Variants in DNAH11 observed in about 807,000 individuals in gnomAD.
DNAH11 encodes dynein axonemal heavy chain 11.
In DNAH11, 442 loss-of-function variants were observed where a neutral mutation model predicts 526.0. The ratio of observed to expected loss-of-function variants is 0.84; its 90% CI spans 0.78 to 0.91. The LOEUF (loss-of-function observed/expected upper bound fraction) is 0.91, where lower values mean the gene tolerates loss of function less well. Ranked by LOEUF, DNAH11 falls within the 40% of genes least tolerant of loss-of-function variation. DNAH11 has a pLI of 0.00. For synonymous variants in DNAH11, 2,461 were observed against 1,935.9 expected (o/e 1.27, Z -7.12); for missense variants, 6,989 against 5,448.7 (o/e 1.28, Z -8.90).
At chr7:21,666,516 T>C (rs979992915) in intron 30 of DNAH11, among the ~76,000 whole-genome samples, 15 of 152,062 alleles carry the variant, frequency 9.9e-5, no homozygotes, top group African/African-American at 3.4e-4. Context: ...AATATAAAAC[T>C]TTTCTCATTA....
At position 21,901,642 on chromosome 7, in the gene DNAH11, GATTTTA is replaced by G. The variant is rs891533035; in HGVS notation, c.*394_*399del. ...AAGCAATGCAGCCGGAAAGAACGGA[GATTTTA>G]ATTTTTAACAAACAACAAATTAAAT... On this transcript the variant is annotated 3_prime_UTR_variant, in exon 82 of 82. Coordinates refer to ENST00000409508, the MANE Select transcript of DNAH11 (RefSeq NM_001277115.2). 2.5e-5 allele frequency: 4 copies of G among 157,992 alleles called. No individual in the cohort carries two copies. The highest frequency in any genetic ancestry group is 7.2e-5 in the African/African-American group (3 of 41,472). The allele number at this position is 157,992 out of a possible 1,614,324, so 9.8% of individuals were successfully genotyped here.
Position 21,801,116 on chromosome 7 carries a change from G to A in DNAH11, c.10027-21G>A, listed in dbSNP as rs374677158. 148 of 1,590,042 alleles carry A rather than the reference G, an allele frequency of 9.3e-5. 2 individuals are homozygous for A. In the African/African-American group the frequency reaches 1.8e-3, roughly 20 times the overall value. On this transcript the variant is annotated intron_variant, in intron 61 of 81. Coordinates refer to ENST00000409508, the MANE Select transcript of DNAH11 (RefSeq NM_001277115.2). The stretch of plus-strand genomic sequence containing the variant: ...TGTTTTAACTAAAAATGACTCAAAA[G>A]TTAATTCAACTCTGATTCAGGATCT...
intron 5 of DNAH11, among the ~76,000 whole-genome samples, chr7:21,562,597 C>T (rs1460072378): frequency 2.6e-5 from 4 of 152,114 alleles, no homozygotes; most frequent in Non-Finnish European, 5.9e-5. Context: ...GTGGCTCAAA[C>T]TCATGGTCAA....
chr7:21,887,899 G>A (rs1784183785), intron 76 of DNAH11, among the ~76,000 whole-genome samples: 1 of 152,042 alleles, frequency 6.6e-6, no homozygotes, highest in East Asian at 1.9e-4. Flanking sequence ...ATTTAAACTC[G>A]TAATCAGACT....
chr7:21,646,645 T>G (rs554619399), intron 28 of DNAH11, among the ~76,000 whole-genome samples: 12 of 152,268 alleles, frequency 7.9e-5, no homozygotes, highest in African/African-American at 2.9e-4. Context: ...AGGTGCCCAG[T>G]GAGCTCCAGC....
Position 21,867,357 on chromosome 7 carries a change from T to C in DNAH11, c.11691-502T>C, listed in dbSNP as rs141358214. Reference sequence around the variant, plus strand: ...CTTTGCAGAAACCTCTGCTGAACTCTACTTTACAAGTTAATTCTGCTTAGT... The same window carrying C: ...CTTTGCAGAAACCTCTGCTGAACTCCACTTTACAAGTTAATTCTGCTTAGT... On this transcript the variant is annotated intron_variant, in intron 71 of 81. Transcript: ENST00000409508. 4.6e-5 allele frequency among the ~76,000 whole-genome samples: 7 copies of C among 152,370 alleles called. No individual in the cohort carries two copies. The East Asian group carries it at 1.3e-3, about 29-fold the overall frequency.
At chr7:21,851,887 G>C (rs977686085) in intron 66 of DNAH11, among the ~76,000 whole-genome samples, 5 of 152,104 alleles carry the variant, frequency 3.3e-5, no homozygotes, top group African/African-American at 1.2e-4. Flanking sequence ...GCAGAAACCA[G>C]AAGTTTCTGA....
rs769003282 is a variant in DNAH11 at position 21,717,846 on chromosome 7, A to T, written c.7055A>T (p.Lys2352Ile). Residue 2352 changes from lysine to isoleucine, a missense_variant, in exon 43 of 82, where the codon AAA (lysine) becomes ATA (isoleucine). Lys to Ile is a moderately radical substitution (Grantham distance 102). Transcript: ENST00000409508. ...EKANLTILFDKYVPACLDKLR... is the reference protein window; with the variant it reads ...EKANLTILFDIYVPACLDKLR... Reference sequence around the variant, plus strand: ...GCCAATTTGACTATTCTTTTTGATAAATATGTCCCTGCATGCTTGGATAAA... The same window carrying T: ...GCCAATTTGACTATTCTTTTTGATATATATGTCCCTGCATGCTTGGATAAA... 23 of 1,613,778 alleles carry T rather than the reference A, an allele frequency of 1.4e-5. No homozygotes were observed. Among genetic ancestry groups the T allele is most frequent in the East Asian group, 2.2e-5 (1 of 44,898 alleles).
intron 61 of DNAH11, among the ~76,000 whole-genome samples, chr7:21,792,431 GA>G (rs1193498211): frequency 1.3e-5 from 2 of 152,168 alleles, no homozygotes; most frequent in Non-Finnish European, 2.9e-5. Context: ...AATGAGTGTG[GA>G]AGTATTCCCT....
chr7:21,842,426 CTCAA>C, intron 65 of DNAH11, 114 bp from the exon 66 acceptor site: 1 of 800,134 alleles, frequency 1.2e-6, no homozygotes, highest in Non-Finnish European at 1.9e-6. Context: ...CTGAAAAATT[CTCAA>C]TCACCTGAGC....
At chr7:21,726,791 G>A (rs1372563726) in intron 45 of DNAH11, among the ~76,000 whole-genome samples, 12 of 132,094 alleles carry the variant, frequency 9.1e-5, no homozygotes, top group South Asian at 2.6e-4. Flanking sequence ...AACCTGGGAG[G>A]CGGAGGTCGC....
chr7:21,725,781 T>C, intron 44 of DNAH11, 30 bp from the exon 45 acceptor site: 2 of 1,583,726 alleles, frequency 1.3e-6, no homozygotes, highest in Non-Finnish European at 1.7e-6. Flanking sequence ...ACTTTGAGTC[T>C]GCAATAAGGA....
intron 35 of DNAH11, among the ~76,000 whole-genome samples, chr7:21,695,596 A>G (rs1209320786): frequency 1.3e-5 from 2 of 152,236 alleles, no homozygotes; most frequent in Non-Finnish European, 2.9e-5. Context: ...TTAACTCAAG[A>G]TGGCTTAAAG....
intron 30 of DNAH11, among the ~76,000 whole-genome samples, chr7:21,677,979 C>A (rs1277566000): frequency 6.6e-6 from 1 of 152,096 alleles, no homozygotes; most frequent in African/African-American, 2.4e-5. Flanking sequence ...AATTCCTTAT[C>A]AGATATATTG....
intron 2 of DNAH11, among the ~76,000 whole-genome samples, chr7:21,547,875 C>T (rs1038934786): frequency 6.6e-6 from 1 of 152,032 alleles, no homozygotes; most frequent in Non-Finnish European, 1.5e-5. Context: ...TTACTTTTTT[C>T]CTTATAGGAG....
At chr7:21,581,803 G>A in intron 8 of DNAH11, 102 bp from the exon 9 acceptor site, 1 of 704,862 alleles carries the variant, frequency 1.4e-6, no homozygotes. Context: ...CAGAGACAGA[G>A]AGCGAGCGAG....
At position 21,873,295 on chromosome 7, in the gene DNAH11, T is replaced by C; in HGVS notation, c.11989T>C (p.Trp3997Arg). The C allele has an allele frequency of 1.3e-6, 2 of 1,598,190 alleles. No individual in the cohort carries two copies. Among genetic ancestry groups the C allele is most frequent in the Non-Finnish European group, 1.7e-6 (2 of 1,171,670 alleles). ...TCAGAATGTTCATTTGGTAGCCAAG[T>C]GGCTAGGAACCTTGGAGAAGCTCCT... ...ILQNVHLVAK[W>R]LGTLEKLLER... Residue 3997 changes from tryptophan (W) to arginine (R), a missense_variant, in exon 74 of 82, where the codon TGG becomes CGG. By Grantham distance (101) the Trp-to-Arg change is moderately radical. Coordinates refer to ENST00000409508, the MANE Select transcript of DNAH11 (RefSeq NM_001277115.2).
intron 46 of DNAH11, among the ~76,000 whole-genome samples, chr7:21,737,528 T>C (rs948694889): frequency 6.6e-6 from 1 of 152,176 alleles, no homozygotes; most frequent in African/African-American, 2.4e-5. Flanking sequence ...GCACTGTCTT[T>C]TGAGAAGAGA....
intron 65 of DNAH11, among the ~76,000 whole-genome samples, chr7:21,828,784 A>T (rs530311710): frequency 6.7e-6 from 1 of 148,680 alleles, no homozygotes; most frequent in Non-Finnish European, 1.5e-5. Context: ...TTGCTGTACA[A>T]TGTTACCTGG....
Sources: gnomAD v4.1 joint callset for allele counts (sites outside exome capture counted in the v4.1 genomes callset) on GRCh38, gnomAD v4.1.1 for gene constraint, MANE v1.5 for transcripts, NCBI Gene and HGNC (gene_info 2026-07-23, HGNC 2026-07-21) for gene names.